The following ST14 variants were observed in gnomAD, a reference collection of about 807,000 sequenced individuals.
The protein encoded by ST14 is suppressor of tumorigenicity 14 protein.
A neutral mutation model predicts 96.5 loss-of-function variants in ST14; 40 were observed. That is an observed-to-expected ratio of 0.41 (90% CI 0.32 to 0.54). The LOEUF is 0.54. Ranked by LOEUF, ST14 falls within the 20% of genes least tolerant of loss-of-function variation. The pLI, the probability that ST14 is intolerant of heterozygous loss-of-function variation, is 0.17. For missense variants in ST14, 1,066 were observed against 1,188.9 expected (o/e 0.90, Z 1.52); for synonymous variants, 506 against 492.1 (o/e 1.03, Z -0.37).
chr11:130,202,247 A>G (rs1953436529), intron 16 of ST14, among the ~76,000 whole-genome samples: 1 of 152,072 alleles, frequency 6.6e-6, no homozygotes, highest in Admixed American at 6.5e-5. Context: ...TGTGTTGATC[A>G]TCAGTCATGC....
intron 16 of ST14, among the ~76,000 whole-genome samples, chr11:130,202,686 G>A (rs1269897124): frequency 2.0e-5 from 3 of 152,190 alleles, no homozygotes; most frequent in Non-Finnish European, 2.9e-5. Context: ...TGCATTCATT[G>A]GGCACTGCCG....
At chr11:130,171,122 T>C (rs1377872734) in intron 1 of ST14, among the ~76,000 whole-genome samples, 1 of 152,188 alleles carries the variant, frequency 6.6e-6, no homozygotes, top group African/African-American at 2.4e-5. Context: ...GCTACTGACA[T>C]CCTGCTCTTT....
Position 130,188,460 on chromosome 11 carries a change from T to C in ST14, c.242-70T>C. The C allele has an allele frequency of 6.2e-7, 1 of 1,610,130 alleles. No homozygotes were observed. The highest frequency in any genetic ancestry group is 8.5e-7 in the Non-Finnish European group (1 of 1,179,074). ...GCCCCCTCCTGGCATTCATTCCCCA[T>C]TGTGGACGGCGAGGGACAGGCGGGG... On this transcript the variant is annotated intron_variant, in intron 2 of 18. Transcript: ENST00000278742. This position sits in a 1 kb window ranked among gnomAD's most constrained non-coding sequence, Gnocchi z 5.4.
intron 17 of ST14, 32 bp from the exon 18 acceptor site, chr11:130,209,410 C>A: frequency 1.3e-6 from 2 of 1,564,778 alleles, no homozygotes; most frequent in South Asian, 1.2e-5. Context: ...CGAAGCAGCC[C>A]GGCTCTCAGC....
rs1952985343 is a variant in ST14, at chr11:130,159,888, G to GCCTGCGC, written c.-89_-83dup. 1.3e-6 allele frequency: 1 copy of GCCTGCGC among 752,152 alleles called. No individual in the cohort carries two copies. Among genetic ancestry groups the GCCTGCGC allele is most frequent in the African/African-American group, 1.9e-5 (1 of 53,622 alleles). The allele number at this position is 752,152 out of a possible 1,614,324, so 46.6% of individuals were successfully genotyped here. A position where few individuals can be genotyped will look rare whatever the true frequency, so the allele number is the denominator to read the frequency against. On this transcript the variant is annotated 5_prime_UTR_variant, in exon 1 of 19. Transcript: ENST00000278742. ...CGCTGGGCCTGCCCGGAATCCCGCC[G>GCCTGCGC]CCTGCGCCCCGCGCCCCGCGCCCTG...
chr11:130,199,081 A>G lies in ST14; in HGVS notation c.1807+12A>G. The G allele has an allele frequency of 1.2e-6, 2 of 1,612,404 alleles. No individual in the cohort carries two copies. The highest frequency in any genetic ancestry group is 1.1e-5 in the South Asian group (1 of 90,942). The stretch of plus-strand genomic sequence containing the variant: ...TGAGAAGGACTGCGGTGAGCAGGGC[A>G]TCCGAGTACGGTTGTGCAGGTTGTT... On this transcript the variant is annotated intron_variant, in intron 15 of 18. Transcript: ENST00000278742.
intron 1 of ST14, among the ~76,000 whole-genome samples, chr11:130,162,493 G>A (rs1953005456): frequency 6.6e-6 from 1 of 152,190 alleles, no homozygotes; most frequent in Admixed American, 6.5e-5. Context: ...TAGGCATCCA[G>A]AGACCAAGTT....
rs763787060 is a variant in ST14 at position 130,199,936 on chromosome 11, C to T, written c.1808-15C>T. 1.2e-6 allele frequency: 2 copies of T among 1,614,088 alleles called. No homozygotes were observed. The highest frequency in any genetic ancestry group is 3.3e-5 in the Admixed American group (2 of 60,028). ...CCTTGACTTGCTGTCCTCTGGTTCT[C>T]TGCTCCCTCTGCAGACTGTGGGCTG... On this transcript the variant is annotated splice_polypyrimidine_tract_variant and intron_variant, in intron 15 of 18. Coordinates refer to ENST00000278742, the MANE Select transcript of ST14 (RefSeq NM_021978.4).
intron 1 of ST14, among the ~76,000 whole-genome samples, chr11:130,165,176 T>A (rs927761749): frequency 6.6e-6 from 1 of 152,178 alleles, no homozygotes; most frequent in Non-Finnish European, 1.5e-5. Flanking sequence ...ATATCCTATG[T>A]GGGCTGTGAC....
chr11:130,191,762 T>G (rs1269927850), intron 7 of ST14, among the ~76,000 whole-genome samples: 4 of 151,020 alleles, frequency 2.6e-5, no homozygotes, highest in Non-Finnish European at 5.9e-5. Flanking sequence ...GGGTGAGAGG[T>G]TTAGAACTGG....
intron 1 of ST14, among the ~76,000 whole-genome samples, chr11:130,170,131 C>G (rs1479118920): frequency 6.6e-6 from 1 of 152,154 alleles, no homozygotes; most frequent in Non-Finnish European, 1.5e-5. Flanking sequence ...AACTGAGGAC[C>G]AGGAGAGATC....
intron 4 of ST14, 120 bp downstream of exon 4, chr11:130,189,059 A>C (rs1306067222): frequency 1.0e-5 from 11 of 1,102,186 alleles, no homozygotes; most frequent in Non-Finnish European, 1.5e-5. Flanking sequence ...TGGAGAGCCA[A>C]GGAGGGTCCT....
chr11:130,194,063 G>A, intron 7 of ST14, 86 bp from the exon 8 acceptor site: 2 of 1,590,736 alleles, frequency 1.3e-6, no homozygotes. Flanking sequence ...GGGTCCTCAG[G>A]CACCTCTGCC....
At chr11:130,189,645 GC>G (rs775976648) in intron 4 of ST14, 93 bp from the exon 5 acceptor site, 1 of 1,542,512 alleles carries the variant, frequency 6.5e-7, no homozygotes, top group Non-Finnish European at 8.8e-7. Context: ...GCCCAGGTGT[GC>G]CCCGAGCCGC....
chr11:130,199,824 A>C (rs545073378), intron 15 of ST14, 127 bp from the exon 16 acceptor site: 8 of 1,157,184 alleles, frequency 6.9e-6, no homozygotes, highest in Non-Finnish European at 1.0e-5. Context: ...TGGCCACGCC[A>C]GCAGTGCTGT....
intron 9 of ST14, among the ~76,000 whole-genome samples, chr11:130,196,078 T>G (rs1430747075): frequency 1.3e-5 from 2 of 152,054 alleles, no homozygotes; most frequent in Admixed American, 1.3e-4. Context: ...AAGAATGGCG[T>G]GAACCCGGGA....
intron 9 of ST14, among the ~76,000 whole-genome samples, chr11:130,195,448 G>A (rs1953350054): frequency 6.6e-6 from 1 of 152,126 alleles, no homozygotes; most frequent in Admixed American, 6.6e-5. Flanking sequence ...TAGTGCCTGG[G>A]TCTCAGAGGC....
At chr11:130,167,722 T>G (rs1436199027) in intron 1 of ST14, among the ~76,000 whole-genome samples, 1 of 151,984 alleles carries the variant, frequency 6.6e-6, no homozygotes, top group Non-Finnish European at 1.5e-5. Flanking sequence ...GTGACTATTT[T>G]TTTTTTTTCT....
chr11:130,176,377 T>C lies in ST14; in HGVS notation c.82-11737T>C, dbSNP rs1470631407. Among the ~76,000 whole-genome samples the C allele has an allele frequency of 2.6e-5, 4 of 152,116 alleles. No individual in the cohort carries two copies. In the South Asian group the frequency reaches 6.2e-4, roughly 24 times the overall value. ...GACAGGGATTTACTTTTCCTTTTTT[T>C]TTTTTCTTTTTCTTTTCTTTTTCTT... On this transcript the variant is annotated intron_variant, in intron 1 of 18. Transcript: ENST00000278742.
Sources: gnomAD v4.1 joint callset for allele counts (sites outside exome capture counted in the v4.1 genomes callset) on GRCh38, gnomAD v4.1.1 for gene constraint, Gnocchi (gnomAD v3.1) non-coding constraint, MANE v1.5 for transcripts, NCBI Gene and HGNC (gene_info 2026-07-23, HGNC 2026-07-21) for gene names.